The following SLC9A9 variants were observed in gnomAD, a reference collection of about 807,000 sequenced individuals.
SLC9A9 encodes the protein solute carrier family 9 member A9.
Under a neutral mutation model 77.8 loss-of-function variants are expected in SLC9A9, and 62 were observed. The observed-to-expected ratio is 0.80, with a 90% CI of 0.65 to 0.98. The LOEUF (loss-of-function observed/expected upper bound fraction) is 0.98, where lower values mean the gene tolerates loss of function less well. Ranked by LOEUF, SLC9A9 falls within the 50% of genes least tolerant of loss-of-function variation. The pLI, the probability that SLC9A9 is intolerant of heterozygous loss-of-function variation, is 0.00. For synonymous variants in SLC9A9, 320 were observed against 283.5 expected (o/e 1.13, Z -1.29); for missense variants, 775 against 774.9 (o/e 1.00, Z 0.00).
intron 12 of SLC9A9, among the ~76,000 whole-genome samples, chr3:143,441,358 T>C (rs1576498586): frequency 6.6e-6 from 1 of 152,152 alleles, no homozygotes; most frequent in African/African-American, 2.4e-5. Flanking sequence ...GGGTGGGAAG[T>C]GTACTTATGA....
At chr3:143,759,461 A>C (rs1320035504) in intron 4 of SLC9A9, among the ~76,000 whole-genome samples, 6 of 152,078 alleles carry the variant, frequency 3.9e-5, no homozygotes, top group Admixed American at 3.3e-4. Context: ...TGCAATATCT[A>C]CCTTATTCTC....
At chr3:143,362,326 C>A (rs2032776454) in intron 14 of SLC9A9, among the ~76,000 whole-genome samples, 1 of 152,212 alleles carries the variant, frequency 6.6e-6, no homozygotes, top group South Asian at 2.1e-4. Flanking sequence ...CTATCTTCCA[C>A]ATCACCATTT....
Position 143,490,574 on chromosome 3 carries a change from A to G in SLC9A9, c.1315+3079T>C, listed in dbSNP as rs533117680. On this transcript the variant is annotated intron_variant, in intron 11 of 15. Coordinates refer to ENST00000316549, the MANE Select transcript of SLC9A9 (RefSeq NM_173653.4). ...GTTTCAGTTTTACAAGACGAAAAGA[A>G]TTATGGAAGTGGACAGTGGTGATGG... 1.2e-4 allele frequency among the ~76,000 whole-genome samples: 19 copies of G among 152,326 alleles called. 1 individual carries two copies. In the South Asian group the frequency reaches 3.9e-3, roughly 32 times the overall value.
chr3:143,276,850 G>GA (rs1938065406), intron 14 of SLC9A9, among the ~76,000 whole-genome samples: 1 of 151,786 alleles, frequency 6.6e-6, no homozygotes, highest in African/African-American at 2.4e-5. Flanking sequence ...ATTTCAGAGA[G>GA]TTTTCAGATG....
At chr3:143,393,319 T>G (rs1002346473) in intron 12 of SLC9A9, among the ~76,000 whole-genome samples, 3 of 152,176 alleles carry the variant, frequency 2.0e-5, no homozygotes, top group African/African-American at 7.2e-5. Context: ...CTCAACTACA[T>G]GCAAACTGAA....
rs2031499657 is a variant in SLC9A9 at position 143,323,983 on chromosome 3, T to G, written c.1604+39501A>C. Among the ~76,000 whole-genome samples the G allele has an allele frequency of 2.0e-5, 3 of 152,208 alleles. No homozygotes were observed. The South Asian group carries it at 6.3e-4, about 32-fold the overall frequency. On this transcript the variant is annotated intron_variant, in intron 14 of 15. Transcript: ENST00000316549. ...CAATTATTTAGTTGGTCATATATAC[T>G]TTGTCCCAATGTATACATTTTCTTT...
intron 14 of SLC9A9, among the ~76,000 whole-genome samples, chr3:143,315,244 G>C (rs1410031083): frequency 1.3e-5 from 2 of 152,138 alleles, no homozygotes; most frequent in African/African-American, 4.8e-5. Context: ...TCTAACTAAT[G>C]GAAGTCACAT....
At chr3:143,566,972 C>T (rs1269456850) in intron 8 of SLC9A9, among the ~76,000 whole-genome samples, 1 of 152,122 alleles carries the variant, frequency 6.6e-6, no homozygotes, top group Non-Finnish European at 1.5e-5. Context: ...GATTCAATTC[C>T]ATTGGAGATA....
intron 4 of SLC9A9, among the ~76,000 whole-genome samples, chr3:143,723,972 G>C (rs777992799): frequency 6.6e-6 from 1 of 152,254 alleles, no homozygotes; most frequent in Non-Finnish European, 1.5e-5. Flanking sequence ...CTGATGGTCA[G>C]AGGTACTAGA....
At position 143,266,158 on chromosome 3, in the gene SLC9A9, G is replaced by A. The variant is rs1234657601; in HGVS notation, c.*544C>T. On this transcript the variant is annotated 3_prime_UTR_variant, in exon 16 of 16. Transcript: ENST00000316549. ...TGTGGGCTCTGGGAAACCATCAGCA[G>A]TGGGTACGGAACACTTCTCTGGGCT... The A allele has an allele frequency of 1.7e-5, 12 of 701,380 alleles. No homozygotes were observed. The highest frequency in any genetic ancestry group is 3.1e-5 in the Non-Finnish European group (12 of 384,600). The allele number at this position is 701,380 out of a possible 1,614,324, so 43.4% of individuals were successfully genotyped here.
At chr3:143,464,224 A>G (rs955033910) in intron 12 of SLC9A9, among the ~76,000 whole-genome samples, 2 of 152,210 alleles carry the variant, frequency 1.3e-5, no homozygotes, top group African/African-American at 4.8e-5. Flanking sequence ...TTTTTGGAGA[A>G]GAGTCTGACA....
chr3:143,834,020 G>A (rs1328523603), intron 1 of SLC9A9, among the ~76,000 whole-genome samples: 1 of 152,174 alleles, frequency 6.6e-6, no homozygotes, highest in Non-Finnish European at 1.5e-5. Flanking sequence ...ATTTTAGGCA[G>A]GGGAGTAAAC....
At chr3:143,590,405 G>T (rs896918147) in intron 6 of SLC9A9, among the ~76,000 whole-genome samples, 1 of 152,124 alleles carries the variant, frequency 6.6e-6, no homozygotes, top group South Asian at 2.1e-4. Context: ...TAAAAACTAA[G>T]CTCTACTTCT....
chr3:143,797,745 G>A (rs1445218791), intron 2 of SLC9A9, among the ~76,000 whole-genome samples: 7 of 150,204 alleles, frequency 4.7e-5, no homozygotes, highest in Non-Finnish European at 8.9e-5. Context: ...TGTGTCCCCC[G>A]CCCCTGCCCA....
intron 4 of SLC9A9, among the ~76,000 whole-genome samples, chr3:143,745,457 A>G (rs1281386189): frequency 6.6e-6 from 1 of 152,226 alleles, no homozygotes; most frequent in Non-Finnish European, 1.5e-5. Context: ...CTCCTATGTC[A>G]TAATTCTAGC....
At chr3:143,739,257 T>C (rs550986840) in intron 4 of SLC9A9, among the ~76,000 whole-genome samples, 2 of 152,178 alleles carry the variant, frequency 1.3e-5, no homozygotes, top group South Asian at 4.1e-4. Flanking sequence ...TCATCACTCC[T>C]GTCAATCAGA....
At chr3:143,794,870 A>T (rs2008330825) in intron 4 of SLC9A9, 131 bp downstream of exon 4, 1 of 824,184 alleles carries the variant, frequency 1.2e-6, no homozygotes, top group Admixed American at 1.9e-5. Flanking sequence ...GTCAGAAAAA[A>T]CATACAAATA....
chr3:143,359,334 G>A (rs534987948), intron 14 of SLC9A9, among the ~76,000 whole-genome samples: 1 of 152,252 alleles, frequency 6.6e-6, no homozygotes, highest in South Asian at 2.1e-4. Flanking sequence ...CCTGGTTGGA[G>A]GGAACTATTA....
At chr3:143,770,747 A>G (rs2007488563) in intron 4 of SLC9A9, among the ~76,000 whole-genome samples, 1 of 152,198 alleles carries the variant, frequency 6.6e-6, no homozygotes, top group South Asian at 2.1e-4. Flanking sequence ...AAAACTCTCC[A>G]TAAACAAATG....
Sources: gnomAD v4.1 joint callset for allele counts (sites outside exome capture counted in the v4.1 genomes callset) on GRCh38, gnomAD v4.1.1 for gene constraint, MANE v1.5 for transcripts, NCBI Gene and HGNC (gene_info 2026-07-23, HGNC 2026-07-21) for gene names.